Variants in MGA observed in about 807,000 individuals in gnomAD.
MGA encodes MAX dimerization protein MGA, also known as MAX gene-associated protein.
Under a neutral mutation model 261.1 loss-of-function variants are expected in MGA, and 40 were observed. That is an observed-to-expected ratio of 0.15 (90% CI 0.12 to 0.20). The LOEUF (loss-of-function observed/expected upper bound fraction) is 0.20. MGA is among the 10% of genes least tolerant of loss of function. The pLI is 1.00. For synonymous variants in MGA, 1,302 were observed against 1,290.6 expected (o/e 1.01, Z -0.19); for missense variants, 3,397 against 3,630.5 (o/e 0.94, Z 1.65).
intron 14 of MGA, among the ~76,000 whole-genome samples, chr15:41,740,773 A>C (rs1216623098): frequency 6.6e-6 from 1 of 152,216 alleles, no homozygotes; most frequent in African/African-American, 2.4e-5. Context: ...TAAAGTGGAA[A>C]GCTCCTATAA....
chr15:41,654,923 C>T (rs796612132), intron 1 of MGA, among the ~76,000 whole-genome samples: 6 of 152,252 alleles, frequency 3.9e-5, no homozygotes, highest in African/African-American at 1.4e-4. Flanking sequence ...AGATGGTAGT[C>T]TCCATTACAG....
intron 15 of MGA, among the ~76,000 whole-genome samples, chr15:41,745,725 C>T (rs1441405562): frequency 6.6e-6 from 1 of 152,144 alleles, no homozygotes; most frequent in African/African-American, 2.4e-5. Context: ...CCATTTCAGT[C>T]TCCCGAGTAG....
At chr15:41,670,388 A>G (rs1462435428) in intron 2 of MGA, among the ~76,000 whole-genome samples, 1 of 152,224 alleles carries the variant, frequency 6.6e-6, no homozygotes, top group African/African-American at 2.4e-5. Context: ...AAATACTGCA[A>G]AATATTCATA....
intron 2 of MGA, among the ~76,000 whole-genome samples, chr15:41,672,866 G>GCGCACACACACA (rs1555408297): frequency 6.7e-6 from 1 of 150,306 alleles, no homozygotes; most frequent in Non-Finnish European, 1.5e-5. Flanking sequence ...ACATGCGTGT[G>GCGCACACACACA]CACACACACA....
intron 1 of MGA, among the ~76,000 whole-genome samples, chr15:41,662,666 A>G (rs755184073): frequency 1.3e-5 from 2 of 152,206 alleles, no homozygotes; most frequent in Non-Finnish European, 2.9e-5. Context: ...TCATTTTATT[A>G]TATTTATATC....
chr15:41,729,227 G>A lies in MGA; in HGVS notation c.3721G>A (p.Val1241Ile). Residue 1241 changes from valine (V) to isoleucine (I), a missense_variant, in exon 11 of 24, where the codon GTT becomes ATT. Val to Ile is a conservative substitution (Grantham distance 29). Around this residue, in one of 9 missense-constraint regions of MGA, gnomAD observed 4 missense variants for 20.6 expected, o/e 0.19. Transcript: ENST00000219905. ...TGAAAGTATGATGACTTGTGCTCGA[G>A]TTCGAGTATATGAGCGAAAAAAAGA... 6.2e-7 allele frequency: 1 copy of A among 1,613,862 alleles called. No individual in the cohort carries two copies. The highest frequency in any genetic ancestry group is 8.5e-7 in the Non-Finnish European group (1 of 1,179,844).
At chr15:41,665,983 A>G (rs1027207010) in intron 1 of MGA, among the ~76,000 whole-genome samples, 12 of 151,204 alleles carry the variant, frequency 7.9e-5, no homozygotes, top group East Asian at 2.0e-4. Context: ...TGATATGGTT[A>G]TGGCTCACTG....
chr15:41,715,230 A>ACCT (rs2060572456), intron 9 of MGA, among the ~76,000 whole-genome samples: 1 of 149,724 alleles, frequency 6.7e-6, no homozygotes, highest in Non-Finnish European at 1.5e-5. Flanking sequence ...GCTCACTGCA[A>ACCT]CCTCCACCTC....
chr15:41,701,466 T>TA (rs2059849477), intron 5 of MGA, among the ~76,000 whole-genome samples: 1 of 152,194 alleles, frequency 6.6e-6, no homozygotes, highest in African/African-American at 2.4e-5. Context: ...GTCAAATTTG[T>TA]AATCGTTTCC....
intron 1 of MGA, among the ~76,000 whole-genome samples, chr15:41,635,475 C>G (rs1275426671): frequency 6.6e-6 from 1 of 151,994 alleles, no homozygotes; most frequent in Non-Finnish European, 1.5e-5. Flanking sequence ...TTTGGGAGGC[C>G]AAGGTGGGAG....
At chr15:41,628,367 CAAA>C (rs936932982) in intron 1 of MGA, among the ~76,000 whole-genome samples, 10 of 47,096 alleles carry the variant, frequency 2.1e-4, no homozygotes, top group Non-Finnish European at 2.3e-4. Context: ...ACTCTGTATC[CAAA>C]AAAAAAAAAA....
chr15:41,697,790 C>T (rs2059617359), intron 3 of MGA, among the ~76,000 whole-genome samples: 1 of 152,142 alleles, frequency 6.6e-6, no homozygotes, highest in South Asian at 2.1e-4. Context: ...TCCTGTCTTA[C>T]ACATTGAAGT....
chr15:41,736,025 C>T (rs191440562), intron 12 of MGA, among the ~76,000 whole-genome samples, 156 bp from the exon 13 acceptor site: 86 of 152,252 alleles, frequency 5.6e-4, no homozygotes, highest in Middle Eastern at 3.4e-3. Context: ...CTTTTTCTTC[C>T]TGGAAAACTC....
At chr15:41,761,902 G>C (rs2063479307) in intron 21 of MGA, 52 bp downstream of exon 21, 1 of 1,327,748 alleles carries the variant, frequency 7.5e-7, no homozygotes, top group Non-Finnish European at 1.0e-6. Flanking sequence ...GCTTTATCAA[G>C]AAGAAATCCT....
chr15:41,710,842 T>G lies in MGA; in HGVS notation c.2577T>G (p.Thr859=). Residue 859 remains threonine, a synonymous_variant, in exon 8 of 24, where the codon ACT becomes ACG. Transcript: ENST00000219905. ...CTCCTGTGGTGTACCAGCTTCCCAC[T>G]AAGAGTACCAGTTATGTACGAACAC... 1 of 1,613,986 alleles carries G rather than the reference T, an allele frequency of 6.2e-7. No homozygotes were observed. Among genetic ancestry groups the G allele is most frequent in the South Asian group, 1.1e-5 (1 of 91,088 alleles).
intron 17 of MGA, among the ~76,000 whole-genome samples, chr15:41,753,937 T>C (rs1410435677): frequency 1.3e-5 from 2 of 152,204 alleles, no homozygotes; most frequent in Non-Finnish European, 2.9e-5. Context: ...TAATTTGTTT[T>C]GAGACAGTCT....
At chr15:41,743,895 A>C (rs2062264688) in intron 15 of MGA, among the ~76,000 whole-genome samples, 1 of 152,210 alleles carries the variant, frequency 6.6e-6, no homozygotes, top group East Asian at 1.9e-4. Context: ...TGAAATAGGA[A>C]TATCCTACAC....
At position 41,669,301 on chromosome 15, in the gene MGA, A is replaced by G; in HGVS notation, c.407A>G (p.Lys136Arg). 6.2e-7 allele frequency: 1 copy of G among 1,614,048 alleles called. No individual in the cohort carries two copies. The highest frequency in any genetic ancestry group is 8.5e-7 in the Non-Finnish European group (1 of 1,179,896). The change falls in exon 2 of 24, where the codon AAG becomes AGG. Residue 136 changes from lysine to arginine, a missense_variant. Lys to Arg is a conservative substitution (Grantham distance 26). Transcript: ENST00000219905. The stretch of plus-strand genomic sequence containing the variant: ...TCTCCTGTGGATAACCATCGTTATA[A>G]GTGGAATGGTCGTTGGTGGGAACCT...
intron 2 of MGA, chr15:41,684,695 T>C (rs1266902458): frequency 5.4e-6 from 1 of 186,420 alleles, no homozygotes; most frequent in Admixed American, 5.7e-5. Context: ...TTCTACATTA[T>C]GAGAGTTATG....
Sources: allele counts gnomAD v4.1 joint callset (sites outside exome capture counted in the v4.1 genomes callset), GRCh38; gene constraint gnomAD v4.1.1; regional missense constraint gnomAD v4.1.1; transcripts MANE v1.5; gene names NCBI Gene and HGNC (gene_info 2026-07-23, HGNC 2026-07-21).